The following TRIM31 variants were observed in gnomAD, a reference collection of about 807,000 sequenced individuals.
The protein encoded by TRIM31 is E3 ubiquitin-protein ligase TRIM31.
Under a neutral mutation model 40.6 loss-of-function variants are expected in TRIM31, and 31 were observed. The ratio of observed to expected loss-of-function variants is 0.76; its 90% CI spans 0.57 to 1.03. The LOEUF (loss-of-function observed/expected upper bound fraction) is 1.03, where lower values mean the gene tolerates loss of function less well. Among genes scored for constraint, TRIM31 ranks in the 50% least tolerant of loss-of-function variants. The pLI, the probability that TRIM31 is intolerant of heterozygous loss-of-function variation, is 0.00. For synonymous variants in TRIM31, 164 were observed against 193.9 expected (o/e 0.85, Z 1.28); for missense variants, 455 against 497.5 (o/e 0.91, Z 0.81).
chr6:30,108,013 T>C (rs1029477504), intron 6 of TRIM31, 40 bp downstream of exon 6: 7 of 1,315,992 alleles, frequency 5.3e-6, no homozygotes, highest in Non-Finnish European at 7.6e-6. Context: ...GAGAATCTCC[T>C]GGAAGTAGGT....
Position 30,112,813 on chromosome 6 carries a change from C to T in TRIM31, c.-8G>A, listed in dbSNP as rs746383109. The T allele has an allele frequency of 6.3e-7, 1 of 1,593,928 alleles. No homozygotes were observed. The highest frequency in any genetic ancestry group is 1.1e-5 in the South Asian group (1 of 87,096). ...AAACTGCCCACTGGCCATGACAGAA[C>T]AACAGGGCTGTTTCAAGACTGTAGG... On this transcript the variant is annotated 5_prime_UTR_variant, in exon 2 of 9. Transcript: ENST00000376734.
chr6:30,103,769 GC>G lies in TRIM31; in HGVS notation c.1044del (p.Pro349HisfsTer60), dbSNP rs1768423365. The G allele has an allele frequency of 6.2e-7, 1 of 1,612,910 alleles. No homozygotes were observed. The highest frequency in any genetic ancestry group is 8.5e-7 in the Non-Finnish European group (1 of 1,180,034). On this transcript the variant is annotated frameshift_variant, in exon 9 of 9. Coordinates refer to ENST00000376734, the MANE Select transcript of TRIM31 (RefSeq NM_007028.5). LOFTEE classifies it low-confidence loss of function (END_TRUNC). ...SSSAGGRTTS[G>X]PPNHHSSAPS... ...GGGGCTGAAGAGTGGTGATTTGGTGGCCCCGATGTAGTTCTGCCGCCTTTGC... is the reference window on the plus strand; with the variant it reads ...GGGGCTGAAGAGTGGTGATTTGGTGGCCCGATGTAGTTCTGCCGCCTTTGC...
intron 5 of TRIM31, 79 bp downstream of exon 5, chr6:30,108,947 T>G: frequency 6.8e-7 from 1 of 1,463,656 alleles, no homozygotes; most frequent in Non-Finnish European, 9.6e-7. Context: ...AGAGGAATGT[T>G]GACTGCATTT....
chr6:30,105,451 C>T (rs1399198523), intron 6 of TRIM31: 2 of 408,802 alleles, frequency 4.9e-6, no homozygotes, highest in Non-Finnish European at 8.6e-6. Flanking sequence ...CCAGCACTGT[C>T]CAGTATGAAT....
Position 30,104,010 on chromosome 6 carries a change from C to T in TRIM31, c.1024+92G>A, listed in dbSNP as rs949130541. 24 of 1,416,378 alleles carry T rather than the reference C, an allele frequency of 1.7e-5. No individual in the cohort carries two copies. The African/African-American group carries it at 2.6e-4, about 15-fold the overall frequency. The allele number at this position is 1,416,378 out of a possible 1,614,324, so 87.7% of individuals were successfully genotyped here. On this transcript the variant is annotated intron_variant, in intron 8 of 8. Transcript: ENST00000376734. ...GAATAAATGAATTCATTCATTTATT[C>T]ATTTATTCCATTTAGTGGAATTGGG... is the stretch of plus-strand genomic sequence containing the variant.
In TRIM31 at chr6:30,112,487, C is replaced by T. The variant is rs1272460400; in HGVS notation, c.319G>A (p.Glu107Lys). 7 of 1,613,020 alleles carry T rather than the reference C, an allele frequency of 4.3e-6. No individual in the cohort carries two copies. The highest frequency in any genetic ancestry group is 2.2e-5 in the East Asian group (1 of 44,902). Residue 107 changes from glutamate to lysine, a missense_variant, in exon 2 of 9, where the codon GAG becomes AAG. Glu to Lys is a moderately conservative substitution (Grantham distance 56). Transcript: ENST00000376734. ...AAACAGAGGAACTTCCCATCATCCT[C>T]GCAGAAATAGTGGAACATCTCCTGG... ...RHQEMFHYFC[E>K]DDGKFLCFVC...
rs576827292 is a variant in TRIM31 at position 30,108,139 on chromosome 6, G to A, written c.797C>T (p.Thr266Ile). ...TTTCTCCAGTTCCAGAGGAACAGGG[G>A]TTGGGTTGAGAAACTGAAACTCTTC... is the stretch of plus-strand genomic sequence containing the variant. ...RSEEFQFLNPTPVPLELEKKL... is the reference protein window; with the variant it reads ...RSEEFQFLNPIPVPLELEKKL... The change falls in exon 6 of 9, where the codon ACC (threonine) becomes ATC (isoleucine). Residue 266 changes from threonine (T) to isoleucine (I), a missense_variant. By Grantham distance (89) the Thr-to-Ile change is moderately conservative. Coordinates refer to ENST00000376734, the MANE Select transcript of TRIM31 (RefSeq NM_007028.5). 6.2e-7 allele frequency: 1 copy of A among 1,612,416 alleles called. No individual in the cohort carries two copies. Among genetic ancestry groups the A allele is most frequent in the Non-Finnish European group, 8.5e-7 (1 of 1,179,428 alleles).
chr6:30,108,874 G>T, intron 5 of TRIM31, 152 bp downstream of exon 5: 1 of 806,846 alleles, frequency 1.2e-6, no homozygotes, highest in Non-Finnish European at 2.1e-6. Flanking sequence ...GTTGGCATAG[G>T]CATTCCCCGG....
rs758727334 is a variant in TRIM31 at position 30,112,639 on chromosome 6, C to T, written c.167G>A (p.Cys56Tyr). ...TGCGTTCTTCCTTACGGAAGTTTTG[C>T]AGAGGGGACATTTGAAAAATCCACA... is the stretch of plus-strand genomic sequence containing the variant. ...TSCGFFKCPL[C>Y]KTSVRKNAIR... The change falls in exon 2 of 9, where the codon TGC becomes TAC. Residue 56 changes from cysteine to tyrosine, a missense_variant. Coordinates refer to ENST00000376734, the MANE Select transcript of TRIM31 (RefSeq NM_007028.5). The T allele has an allele frequency of 1.2e-5, 20 of 1,612,976 alleles. No individual in the cohort carries two copies. The highest frequency in any genetic ancestry group is 1.6e-5 in the Non-Finnish European group (19 of 1,180,046).
intron 2 of TRIM31, chr6:30,111,956 T>C: frequency 1.7e-6 from 1 of 601,062 alleles, no homozygotes; most frequent in Non-Finnish European, 2.9e-6. Context: ...CATAGTTATT[T>C]ATGACTAACT....
At chr6:30,109,222 G>A (rs1769053690) in intron 4 of TRIM31, among the ~76,000 whole-genome samples, 174 bp from the exon 5 acceptor site, 1 of 152,160 alleles carries the variant, frequency 6.6e-6, no homozygotes, top group African/African-American at 2.4e-5. Context: ...TCTCCAAGAA[G>A]CACTGCTCTG....
At chr6:30,105,138 A>G (rs911739752) in intron 7 of TRIM31, 30 bp downstream of exon 7, 2 of 1,598,550 alleles carry the variant, frequency 1.3e-6, no homozygotes, top group Non-Finnish European at 1.7e-6. Flanking sequence ...CCCAAATGGC[A>G]GAAGCAACCA....
intron 2 of TRIM31, chr6:30,112,130 A>G (rs1769393454): frequency 5.3e-6 from 3 of 566,518 alleles, no homozygotes; most frequent in Non-Finnish European, 9.2e-6. Flanking sequence ...CAGTAAACTC[A>G]CAAGACTGGG....
intron 6 of TRIM31, chr6:30,105,646 C>CT (rs1352174683): frequency 6.5e-6 from 1 of 154,736 alleles, no homozygotes; most frequent in Admixed American, 6.4e-5. Context: ...TTTACAGTCT[C>CT]TTTTTACACT....
intron 7 of TRIM31, among the ~76,000 whole-genome samples, chr6:30,104,599 T>TC (rs1197241324): frequency 4.6e-5 from 7 of 152,268 alleles, no homozygotes; most frequent in Non-Finnish European, 8.8e-5. Flanking sequence ...GTAACTTACC[T>TC]CCCCTCCCGG....
chr6:30,112,957 GA>G, intron 1 of TRIM31, 69 bp from the exon 2 acceptor site: 1 of 635,976 alleles, frequency 1.6e-6, no homozygotes, highest in Non-Finnish European at 2.5e-6. Flanking sequence ...GAAGAGCAGA[GA>G]GAGAGGAAAA....
Position 30,103,876 on chromosome 6 carries a change from A to G in TRIM31, c.1025-87T>C. ...TTGCCAGACAGCACAGCTGAGCTCT[A>G]CATACAGCAGGAGGGATGGAGGTGA... On this transcript the variant is annotated intron_variant, in intron 8 of 8. Transcript: ENST00000376734. 4 of 1,578,696 alleles carry G rather than the reference A, an allele frequency of 2.5e-6. 1 individual carries two copies. Among genetic ancestry groups the G allele is most frequent in the Non-Finnish European group, 3.5e-6 (4 of 1,158,418 alleles).
intron 6 of TRIM31, among the ~76,000 whole-genome samples, chr6:30,106,866 C>T (rs913245399): frequency 6.6e-6 from 1 of 152,170 alleles, no homozygotes; most frequent in South Asian, 2.1e-4. Flanking sequence ...CTTTGGGAGG[C>T]TGAGGCGGGT....
chr6:30,111,153 C>T (rs1029240158), intron 3 of TRIM31: 6 of 178,044 alleles, frequency 3.4e-5, no homozygotes, highest in Non-Finnish European at 7.1e-5. Context: ...ACCTCCCAGC[C>T]TCTCTAGTAG....
Sources: allele counts gnomAD v4.1 joint callset (sites outside exome capture counted in the v4.1 genomes callset), GRCh38; gene constraint gnomAD v4.1.1; transcripts MANE v1.5; gene names NCBI Gene and HGNC (gene_info 2026-07-23, HGNC 2026-07-21).